Variants in CAB39 observed in about 807,000 individuals in gnomAD.
The protein encoded by CAB39 is calcium-binding protein 39.
Under a neutral mutation model 40.0 loss-of-function variants are expected in CAB39, and 8 were observed. The ratio of observed to expected loss-of-function variants is 0.20; its 90% CI spans 0.12 to 0.36. The LOEUF (loss-of-function observed/expected upper bound fraction) is 0.36, where lower values mean the gene tolerates loss of function less well. Ranked by LOEUF, CAB39 falls within the 10% of genes least tolerant of loss-of-function variation. The pLI is 1.00. For synonymous variants in CAB39, 156 were observed against 141.6 expected (o/e 1.10, Z -0.72); for missense variants, 270 against 401.1 (o/e 0.67, Z 2.79).
chr2:230,785,223 C>T lies in CAB39; in HGVS notation c.115-5649C>T, dbSNP rs531650458. Reference sequence around the variant, plus strand: ...CCCATTTCTCACAGTAATAAAGACACACAATTGTATTTAATGACATGCAGG... The same window carrying T: ...CCCATTTCTCACAGTAATAAAGACATACAATTGTATTTAATGACATGCAGG... On this transcript the variant is annotated intron_variant, in intron 2 of 8. Coordinates refer to ENST00000258418, the MANE Select transcript of CAB39 (RefSeq NM_016289.4). Among the ~76,000 whole-genome samples, 12 of 152,272 alleles carry T rather than the reference C, an allele frequency of 7.9e-5. No homozygotes were observed. In the South Asian group the frequency reaches 2.5e-3, roughly 32 times the overall value.
At chr2:230,716,706 A>G (rs1209780596) in intron 1 of CAB39, among the ~76,000 whole-genome samples, 1 of 152,086 alleles carries the variant, frequency 6.6e-6, no homozygotes, top group Non-Finnish European at 1.5e-5. Flanking sequence ...CTCCAGCCCT[A>G]TTTTAAAAGG....
intron 5 of CAB39, among the ~76,000 whole-genome samples, chr2:230,807,603 T>A (rs1226447615): frequency 2.6e-5 from 4 of 152,136 alleles, no homozygotes; most frequent in African/African-American, 9.7e-5. Context: ...ACACATAGAA[T>A]CTCCCCTACA....
At chr2:230,756,657 GTTTGTTTATTTATTTATTTA>G (rs1423482917) in intron 1 of CAB39, among the ~76,000 whole-genome samples, 77 of 134,698 alleles carry the variant, frequency 5.7e-4, no homozygotes, top group African/African-American at 1.2e-3. Context: ...GTTTCTAACT[GTTTGTTTATTTATTTATTTA>G]TTTATTTATT....
intron 1 of CAB39, among the ~76,000 whole-genome samples, chr2:230,721,976 C>G (rs979806695): frequency 6.6e-6 from 1 of 151,722 alleles, no homozygotes; most frequent in Non-Finnish European, 1.5e-5. Context: ...AAAGCATTTA[C>G]TTACTAATTC....
At chr2:230,721,378 C>G (rs1694450267) in intron 1 of CAB39, among the ~76,000 whole-genome samples, 1 of 152,180 alleles carries the variant, frequency 6.6e-6, no homozygotes, top group Admixed American at 6.5e-5. Context: ...TTGCAGTGAG[C>G]CAAGATAGTG....
At chr2:230,745,441 C>G (rs887494558) in intron 1 of CAB39, among the ~76,000 whole-genome samples, 7 of 152,128 alleles carry the variant, frequency 4.6e-5, no homozygotes, top group African/African-American at 9.7e-5. Context: ...CTCAGAGGAG[C>G]TCATGGTCCT....
intron 4 of CAB39, among the ~76,000 whole-genome samples, chr2:230,796,154 T>C (rs1440176674): frequency 6.6e-6 from 1 of 152,212 alleles, no homozygotes; most frequent in Non-Finnish European, 1.5e-5. Context: ...AACAGCTGTT[T>C]CTTGAAGGAG....
At position 230,729,205 on chromosome 2, in the gene CAB39, C is replaced by T. The variant is rs115742165; in HGVS notation, c.-44+15975C>T. Among the ~76,000 whole-genome samples, 1,227 of 152,310 alleles carry T rather than the reference C, an allele frequency of 8.1e-3. 21 individuals are homozygous for T. The highest frequency in any genetic ancestry group is 0.028 in the African/African-American group (1,177 of 41,570). On this transcript the variant is annotated intron_variant, in intron 1 of 8. Transcript: ENST00000258418. ...GCGGTTTGCACCAGCTAGTATTTAA[C>T]CTCTGGCTATATCATCCCAATATGT...
intron 1 of CAB39, among the ~76,000 whole-genome samples, chr2:230,749,735 C>T (rs1236519658): frequency 6.6e-6 from 1 of 152,166 alleles, no homozygotes; most frequent in Non-Finnish European, 1.5e-5. Flanking sequence ...CCTTTTCCTA[C>T]TGTATTAAAT....
At chr2:230,773,308 A>ATGTGTGTGTGTG (rs1361313789) in intron 2 of CAB39, among the ~76,000 whole-genome samples, 11 of 88,312 alleles carry the variant, frequency 1.2e-4, no homozygotes, top group African/African-American at 5.7e-4. Flanking sequence ...GTATATATAT[A>ATGTGTGTGTGTG]TATATATGTG....
chr2:230,801,487 C>G (rs1696088740), intron 5 of CAB39, among the ~76,000 whole-genome samples: 1 of 152,112 alleles, frequency 6.6e-6, no homozygotes, highest in Non-Finnish European at 1.5e-5. Flanking sequence ...GCAAGAGCGC[C>G]CTCCCAGAAA....
chr2:230,772,088 T>TAAAACCTG (rs1695491894), intron 2 of CAB39, among the ~76,000 whole-genome samples: 1 of 152,112 alleles, frequency 6.6e-6, no homozygotes, highest in Non-Finnish European at 1.5e-5. Context: ...TCATAAAAAT[T>TAAAACCTG]AAAACCTGCT....
At chr2:230,781,812 T>C (rs557428646) in intron 2 of CAB39, among the ~76,000 whole-genome samples, 1 of 152,358 alleles carries the variant, frequency 6.6e-6, no homozygotes, top group East Asian at 1.9e-4. Context: ...CAAGCTGCTA[T>C]GAAGGGAACC....
intron 5 of CAB39, among the ~76,000 whole-genome samples, chr2:230,806,702 A>G (rs890362710): frequency 9.2e-5 from 14 of 152,204 alleles, no homozygotes; most frequent in East Asian, 5.8e-4. Flanking sequence ...GGTTCCTGGC[A>G]TAGTATTTGG....
intron 2 of CAB39, among the ~76,000 whole-genome samples, chr2:230,761,528 AT>A (rs1158814408): frequency 6.6e-6 from 1 of 152,156 alleles, no homozygotes; most frequent in East Asian, 1.9e-4. Context: ...CATAATCATT[AT>A]TTGATTTGGG....
At chr2:230,812,964 C>G (rs1420374480) in intron 6 of CAB39, among the ~76,000 whole-genome samples, 1 of 152,190 alleles carries the variant, frequency 6.6e-6, no homozygotes, top group African/African-American at 2.4e-5. Flanking sequence ...ATCCCTTGCT[C>G]TAGACCACAG....
At chr2:230,776,931 C>T (rs1039835963) in intron 2 of CAB39, among the ~76,000 whole-genome samples, 9 of 152,258 alleles carry the variant, frequency 5.9e-5, no homozygotes, top group African/African-American at 2.2e-4. Context: ...TCATGATCCG[C>T]CCGCCTCAGC....
rs397988179 is a variant in CAB39, at chr2:230,795,276, CAA to C, written c.398+1958_398+1959del. ...GGGTGACAGAGCAAGACTTGATTTC[CAA>C]AAAAAAAAAAAAGTTCCAAACAAGG... On this transcript the variant is annotated intron_variant, in intron 4 of 8. Coordinates refer to ENST00000258418, the MANE Select transcript of CAB39 (RefSeq NM_016289.4). Among the ~76,000 whole-genome samples, 88 of 142,116 alleles carry C rather than the reference CAA, an allele frequency of 6.2e-4. 1 individual carries two copies. The highest frequency in any genetic ancestry group is 3.8e-3 in the Admixed American group (55 of 14,330). The allele number at this position is 142,116 out of a possible 152,430, so 93.2% of individuals were successfully genotyped here. A position where few individuals can be genotyped will look rare whatever the true frequency, so the allele number is the denominator to read the frequency against.
chr2:230,735,082 T>A (rs1201522166), intron 1 of CAB39, among the ~76,000 whole-genome samples: 1 of 152,196 alleles, frequency 6.6e-6, no homozygotes, highest in African/African-American at 2.4e-5. Flanking sequence ...CCCCTTGAAT[T>A]CTTGTTGTTT....
Sources: allele counts gnomAD v4.1 joint callset (sites outside exome capture counted in the v4.1 genomes callset), GRCh38; gene constraint gnomAD v4.1.1; transcripts MANE v1.5; gene names NCBI Gene and HGNC (gene_info 2026-07-23, HGNC 2026-07-21).